HNF4G: variants seen among roughly 807,000 people sequenced by gnomAD.
HNF4G encodes hepatocyte nuclear factor 4 gamma.
HNF4G carries 21 observed loss-of-function variants against 50.9 expected under a neutral mutation model. The ratio of observed to expected loss-of-function variants is 0.41; its 90% CI spans 0.29 to 0.59. The LOEUF (loss-of-function observed/expected upper bound fraction) is 0.59. Among genes scored for constraint, HNF4G ranks in the 20% least tolerant of loss-of-function variants. HNF4G has a pLI of 0.26. For missense variants in HNF4G, 527 were observed against 559.4 expected, an observed-to-expected ratio of 0.94 and a Z score of 0.58; for synonymous variants, 198 against 185.6, an observed-to-expected ratio of 1.07 and a Z score of -0.54.
At chr8:75,541,568 A>G (rs1385862458) in intron 1 of HNF4G, among the ~76,000 whole-genome samples, 14 of 152,238 alleles carry the variant, frequency 9.2e-5, no homozygotes, top group African/African-American at 3.1e-4. Context: ...ACTCAGAAAT[A>G]TTAGTAAGTA....
chr8:75,492,614 AT>A (rs1812659016), intron 2 of HNF4G, among the ~76,000 whole-genome samples: 3 of 152,170 alleles, frequency 2.0e-5, no homozygotes, highest in Non-Finnish European at 1.5e-5. Flanking sequence ...CCTCAAAGCA[AT>A]TTTATGAGAT....
At chr8:75,418,940 C>G (rs1013949002) in intron 1 of HNF4G, among the ~76,000 whole-genome samples, 1 of 151,864 alleles carries the variant, frequency 6.6e-6, no homozygotes, top group African/African-American at 2.4e-5. Flanking sequence ...TTGGCCACAC[C>G]GACCTCGAAT....
At chr8:75,511,498 A>T (rs1339718373) in intron 2 of HNF4G, among the ~76,000 whole-genome samples, 1 of 152,262 alleles carries the variant, frequency 6.6e-6, no homozygotes, top group Admixed American at 6.5e-5. Context: ...CTTACTGTGG[A>T]TCAAAGTTGA....
At position 75,458,562 on chromosome 8, in the gene HNF4G, T is replaced by C. The variant is rs375355275; in HGVS notation, c.-143-31527T>C. Among the ~76,000 whole-genome samples, 27 of 152,170 alleles carry C rather than the reference T, an allele frequency of 1.8e-4. No individual in the cohort carries two copies. The East Asian group carries it at 4.3e-3, about 24-fold the overall frequency. Reference sequence around the variant, plus strand: ...ACAAAAACTGTTTTGTCTTTGAGCATGAAAAAACGTAAAAATGTTCCTACT... The same window carrying C: ...ACAAAAACTGTTTTGTCTTTGAGCACGAAAAAACGTAAAAATGTTCCTACT... On this transcript the variant is annotated intron_variant, in intron 1 of 10. Coordinates refer to the HNF4G transcript ENST00000354370.
chr8:75,519,216 T>A (rs1805974411), intron 2 of HNF4G, among the ~76,000 whole-genome samples: 2 of 152,200 alleles, frequency 1.3e-5, no homozygotes, highest in Admixed American at 1.3e-4. Context: ...AAGTTCCTCA[T>A]CTCCATCTGA....
chr8:75,493,034 T>C (rs1029563241), intron 2 of HNF4G, among the ~76,000 whole-genome samples: 1 of 151,804 alleles, frequency 6.6e-6, no homozygotes, highest in African/African-American at 2.4e-5. Context: ...TATATATATA[T>C]ACACTCACAC....
At position 75,509,159 on chromosome 8, in the gene HNF4G, T is replaced by C. The variant is rs1303176916; in HGVS notation, c.-24+18951T>C. Among the ~76,000 whole-genome samples the C allele has an allele frequency of 2.6e-5, 4 of 152,114 alleles. No individual in the cohort carries two copies. The South Asian group carries it at 8.3e-4, about 31-fold the overall frequency. On this transcript the variant is annotated intron_variant, in intron 2 of 10. Transcript: ENST00000354370. Reference sequence around the variant, plus strand: ...CAGAAGAGGATTGGCTGGAGCAAGCTGAGATATTTGTAGTTAGGCTTAGGG... The same window carrying C: ...CAGAAGAGGATTGGCTGGAGCAAGCCGAGATATTTGTAGTTAGGCTTAGGG...
chr8:75,560,544 T>C, intron 9 of HNF4G, 78 bp downstream of exon 9: 2 of 1,449,762 alleles, frequency 1.4e-6, no homozygotes, highest in Admixed American at 2.0e-5. Flanking sequence ...AAAGAATCTA[T>C]TAGTAACCAG....
At chr8:75,443,979 C>A (rs1280405316) in intron 1 of HNF4G, among the ~76,000 whole-genome samples, 2 of 151,872 alleles carry the variant, frequency 1.3e-5, no homozygotes, top group African/African-American at 4.8e-5. Flanking sequence ...AAGAATAGAG[C>A]AATGAAACAA....
intron 2 of HNF4G, among the ~76,000 whole-genome samples, chr8:75,528,802 G>C (rs1203886645): frequency 6.6e-6 from 1 of 152,062 alleles, no homozygotes; most frequent in Non-Finnish European, 1.5e-5. Context: ...TTTTTCTTAT[G>C]TATTAGTCTG....
chr8:75,540,082 T>C lies in HNF4G; in HGVS notation c.118+2T>C, dbSNP rs1402746704. 4 of 1,448,710 alleles carry C rather than the reference T, an allele frequency of 2.8e-6. No individual in the cohort carries two copies. The South Asian group carries it at 3.4e-5, about 12-fold the overall frequency. The allele number at this position is 1,448,710 out of a possible 1,614,324, so 89.7% of individuals were successfully genotyped here. A position where few individuals can be genotyped will look rare whatever the true frequency, so the allele number is the denominator to read the frequency against. On this transcript the variant is annotated splice_donor_variant, in intron 1 of 9. Coordinates refer to ENST00000396423, the MANE Select transcript of HNF4G (RefSeq NM_004133.5). LOFTEE classifies it high-confidence loss of function. ...TGCAGATTCTATATAATTCAAGTGG[T>C]GAGTTATCATCTGTTTATAGATGTA...
At chr8:75,494,644 C>T (rs911851073) in intron 2 of HNF4G, among the ~76,000 whole-genome samples, 3 of 151,786 alleles carry the variant, frequency 2.0e-5, no homozygotes, top group South Asian at 2.1e-4. Flanking sequence ...TTGAAATTAT[C>T]GCCTAGATTA....
At chr8:75,520,032 T>C (rs1430552613) in intron 2 of HNF4G, among the ~76,000 whole-genome samples, 3 of 152,188 alleles carry the variant, frequency 2.0e-5, no homozygotes, top group East Asian at 1.9e-4. Context: ...CTGTGTTAAA[T>C]TGAATGTCTT....
At chr8:75,472,583 A>C (rs1168191055) in intron 1 of HNF4G, among the ~76,000 whole-genome samples, 2 of 152,242 alleles carry the variant, frequency 1.3e-5, no homozygotes, top group Non-Finnish European at 2.9e-5. Context: ...TACAGAGTGC[A>C]AATATGTATA....
At chr8:75,549,599 G>T (rs573949262) in intron 3 of HNF4G, among the ~76,000 whole-genome samples, 89 of 138,944 alleles carry the variant, frequency 6.4e-4, no homozygotes, top group Non-Finnish European at 1.0e-3. Flanking sequence ...CTGGGTAGTT[G>T]TTTTTTTTTA....
intron 2 of HNF4G, among the ~76,000 whole-genome samples, chr8:75,529,980 T>C (rs1461157975): frequency 6.6e-6 from 1 of 152,070 alleles, no homozygotes; most frequent in Non-Finnish European, 1.5e-5. Context: ...AGGAGGGTAA[T>C]AACAAAGCAG....
At chr8:75,467,521 G>A (rs751817745) in intron 1 of HNF4G, among the ~76,000 whole-genome samples, 13 of 152,106 alleles carry the variant, frequency 8.5e-5, no homozygotes, top group Non-Finnish European at 1.3e-4. Context: ...TCAGCTGAGC[G>A]TGGTGGCACA....
intron 1 of HNF4G, among the ~76,000 whole-genome samples, chr8:75,483,831 TATTA>T (rs569068784): frequency 2.5e-3 from 380 of 152,344 alleles, no homozygotes; most frequent in Non-Finnish European, 3.5e-3. Context: ...TAGCAAGTGT[TATTA>T]GTTACAGTTT....
chr8:75,525,991 TA>T (rs1283456021), intron 2 of HNF4G, among the ~76,000 whole-genome samples: 1 of 152,180 alleles, frequency 6.6e-6, no homozygotes, highest in African/African-American at 2.4e-5. Flanking sequence ...CTGCATTTGG[TA>T]AGTTGGAGGG....
Sources: gnomAD v4.1 joint callset for allele counts (sites outside exome capture counted in the v4.1 genomes callset) on GRCh38, gnomAD v4.1.1 for gene constraint, MANE v1.5 for transcripts, NCBI Gene and HGNC (gene_info 2026-07-23, HGNC 2026-07-21) for gene names.